The following UACA variants were observed in gnomAD, a reference collection of about 807,000 sequenced individuals.
UACA encodes the protein nuclear membrane binding protein.
A neutral mutation model predicts 160.5 loss-of-function variants in UACA; 112 were observed. That is an observed-to-expected ratio of 0.70 (90% CI 0.60 to 0.82). The LOEUF (loss-of-function observed/expected upper bound fraction) is 0.82, where lower values mean the gene tolerates loss of function less well. Among genes scored for constraint, UACA ranks in the 40% least tolerant of loss-of-function variants. The probability of loss-of-function intolerance (pLI) is 0.00; values close to 1 mark genes in which losing one functional copy is unlikely to be tolerated. For synonymous variants in UACA, 557 were observed against 568.4 expected (o/e 0.98, Z 0.29); for missense variants, 1,574 against 1,614.6 (o/e 0.97, Z 0.43).
In UACA at chr15:70,720,402, G is replaced by C. The variant is rs1898954678; in HGVS notation, c.79-20742C>G. Among the ~76,000 whole-genome samples, 3 of 152,038 alleles carry C rather than the reference G, an allele frequency of 2.0e-5. No individual in the cohort carries two copies. In the South Asian group the frequency reaches 6.2e-4, roughly 32 times the overall value. On this transcript the variant is annotated intron_variant, in intron 1 of 18. Coordinates refer to ENST00000322954, the MANE Select transcript of UACA (RefSeq NM_018003.4). ...GACTAACTGCAGCCTCAAACTCCTG[G>C]GCTCAAGTGATCTTCCCACCTCAGC...
intron 3 of UACA, 64 bp downstream of exon 3, chr15:70,694,953 G>A: frequency 7.9e-7 from 1 of 1,261,620 alleles, no homozygotes; most frequent in Non-Finnish European, 1.1e-6. Context: ...GAATAAAAAT[G>A]TTAGCAGTGG....
Position 70,654,878 on chromosome 15 carries a change from T to C in UACA, c.*2178A>G, listed in dbSNP as rs958921150. On this transcript the variant is annotated 3_prime_UTR_variant, in exon 19 of 19. Transcript: ENST00000322954. ...CGCTTGTTTACTAATTAAAAAGCTT[T>C]GGTCTTCAGTGTTGTAAACGCAATT... 1.3e-5 allele frequency: 2 copies of C among 152,348 alleles called. No individual in the cohort carries two copies. Among genetic ancestry groups the C allele is most frequent in the Admixed American group, 6.5e-5 (1 of 15,310 alleles). The allele number at this position is 152,348 out of a possible 1,614,324, so 9.4% of individuals were successfully genotyped here.
rs1566963372 is a variant in UACA at position 70,667,346 on chromosome 15, G to A, written c.3338C>T (p.Pro1113Leu). The change falls in exon 16 of 19, where the codon CCA becomes CTA. Residue 1113 changes from proline (P) to leucine (L), a missense_variant. Physicochemically the swap from Pro to Leu is moderately conservative, Grantham distance 98 (BLOSUM62 -3). Transcript: ENST00000322954. ...VQNLLQKQHVPLEQVEALKKS... is the reference protein window; with the variant it reads ...VQNLLQKQHVLLEQVEALKKS... ...TTTCAGAGCCTCAACCTGTTCCAATGGAACATGTTGTTTTTGCAAAAGATT... is the reference window on the plus strand; with the variant it reads ...TTTCAGAGCCTCAACCTGTTCCAATAGAACATGTTGTTTTTGCAAAAGATT... 2 of 1,612,764 alleles carry A rather than the reference G, an allele frequency of 1.2e-6. No individual in the cohort carries two copies. The highest frequency in any genetic ancestry group is 1.7e-6 in the Non-Finnish European group (2 of 1,179,836).
Position 70,668,593 on chromosome 15 carries a change from T to G in UACA, c.2091A>C (p.Lys697Asn). 6.2e-7 allele frequency: 1 copy of G among 1,613,652 alleles called. No individual in the cohort carries two copies. Among genetic ancestry groups the G allele is most frequent in the Non-Finnish European group, 8.5e-7 (1 of 1,179,964 alleles). The part of the protein sequence containing the change: ...HEQVKSRLEQ[K>N]SGELGKKITE... ...TGATCTTCTTCCCAAGTTCTCCTGA[T>G]TTCTGTTCTAATCTGCTCTTAACCT... Residue 697 changes from lysine (K) to asparagine (N), a missense_variant, in exon 16 of 19, where the codon AAA becomes AAC. By Grantham distance (94) the Lys-to-Asn change is moderately conservative. Transcript: ENST00000322954.
intron 1 of UACA, among the ~76,000 whole-genome samples, chr15:70,743,054 T>C (rs1222686012): frequency 2.0e-5 from 3 of 152,154 alleles, no homozygotes; most frequent in Non-Finnish European, 2.9e-5. Flanking sequence ...CAGAATTCAG[T>C]TCCCTTAAGG....
chr15:70,690,361 TTATATAAA>T, intron 5 of UACA, 85 bp downstream of exon 5: 1 of 1,107,918 alleles, frequency 9.0e-7, no homozygotes, highest in Non-Finnish European at 1.3e-6. Context: ...TCTCCATGAA[TTATATAAA>T]TATCTATGTG....
Position 70,666,756 on chromosome 15 carries a change from AT to A in UACA, c.3927del (p.Glu1309AspfsTer6). The A allele has an allele frequency of 6.2e-7, 1 of 1,607,410 alleles. No individual in the cohort carries two copies. Among genetic ancestry groups the A allele is most frequent in the South Asian group, 1.1e-5 (1 of 89,434 alleles). On this transcript the variant is annotated frameshift_variant, in exon 16 of 19. Transcript: ENST00000322954. LOFTEE classifies it high-confidence loss of function. ...TITELQRRIQ[E>X]SAKQIEAKDN... ...TCTTTTGCTTCTATTTGTTTAGCAGATTCTTGTATTCTTCTTTGTAACTCTG... is the reference window on the plus strand; with the variant it reads ...TCTTTTGCTTCTATTTGTTTAGCAGATCTTGTATTCTTCTTTGTAACTCTG...
intron 1 of UACA, among the ~76,000 whole-genome samples, chr15:70,742,841 T>C (rs1368705502): frequency 6.6e-6 from 1 of 152,216 alleles, no homozygotes; most frequent in Non-Finnish European, 1.5e-5. Context: ...AATTTTCTAT[T>C]GCCATATAAC....
At chr15:70,778,613 C>A in the UACA span, among the ~76,000 whole-genome samples, 1 of 152,212 alleles carries the variant, frequency 6.6e-6, no homozygotes, top group Admixed American at 6.5e-5. Context: ...GTAATCCCTG[C>A]ATGTCAAAGT....
chr15:70,763,027 C>T (rs147126409), intron 1 of UACA, among the ~76,000 whole-genome samples: 49 of 152,222 alleles, frequency 3.2e-4, no homozygotes, highest in African/African-American at 1.2e-3. Flanking sequence ...GGGTGCCAAT[C>T]GAGGAACTTT....
intron 18 of UACA, among the ~76,000 whole-genome samples, chr15:70,659,395 G>GTTTTTTT (rs71152307): frequency 0.015 from 278 of 18,488 alleles, 53 homozygotes; most frequent in Non-Finnish European, 0.017. Flanking sequence ...TTTTTTGTTT[G>GTTTTTTT]TTTTTTTTTT....
chr15:70,749,535 A>AG (rs1380340944), intron 1 of UACA, among the ~76,000 whole-genome samples: 1 of 150,988 alleles, frequency 6.6e-6, no homozygotes, highest in Admixed American at 6.6e-5. Context: ...AAAAAAAAAA[A>AG]ACAAAAACAA....
intron 1 of UACA, among the ~76,000 whole-genome samples, chr15:70,750,885 T>C (rs2030011377): frequency 6.6e-6 from 1 of 152,074 alleles, no homozygotes; most frequent in South Asian, 2.1e-4. Context: ...GAAGAGTAGG[T>C]GGAAAGCAGT....
At chr15:70,662,449 T>C (rs893047179) in intron 17 of UACA, among the ~76,000 whole-genome samples, 45 of 152,132 alleles carry the variant, frequency 3.0e-4, no homozygotes, top group Middle Eastern at 3.2e-3. Context: ...AGGTAATTTA[T>C]AGATTCAATG....
At chr15:70,687,168 C>G (rs1274221967) in intron 7 of UACA, among the ~76,000 whole-genome samples, 8 of 152,202 alleles carry the variant, frequency 5.3e-5, no homozygotes, top group African/African-American at 1.9e-4. Context: ...GAAGAAGTAA[C>G]TACAGATGTA....
intron 1 of UACA, among the ~76,000 whole-genome samples, chr15:70,709,911 G>C (rs900890594): frequency 1.3e-5 from 2 of 152,172 alleles, no homozygotes; most frequent in South Asian, 4.1e-4. Context: ...TTAAAGCCAA[G>C]AGGAGTCATC....
At position 70,656,239 on chromosome 15, in the gene UACA, T is replaced by A. The variant is rs992864819; in HGVS notation, c.*817A>T. On this transcript the variant is annotated 3_prime_UTR_variant, in exon 19 of 19. Transcript: ENST00000322954. Reference sequence around the variant, plus strand: ...ATATATAATGAGTGCTTGGTTACTATAGTAGCGAATGTCAAACTAATTGCT... The same window carrying A: ...ATATATAATGAGTGCTTGGTTACTAAAGTAGCGAATGTCAAACTAATTGCT... 6.6e-6 allele frequency: 1 copy of A among 152,148 alleles called. No homozygotes were observed. The highest frequency in any genetic ancestry group is 1.5e-5 in the Non-Finnish European group (1 of 68,024). 9.4% of individuals were successfully genotyped at this position (152,148 alleles called of 1,614,324 possible). A position where few individuals can be genotyped will look rare whatever the true frequency, so the allele number is the denominator to read the frequency against.
chr15:70,667,203 T>G lies in UACA; in HGVS notation c.3481A>C (p.Asn1161His), dbSNP rs752497204. 3.7e-6 allele frequency: 6 copies of G among 1,613,920 alleles called. No individual in the cohort carries two copies. Among genetic ancestry groups the G allele is most frequent in the Non-Finnish European group, 5.1e-6 (6 of 1,179,960 alleles). The change falls in exon 16 of 19, where the codon AAC becomes CAC. Residue 1161 changes from asparagine to histidine, a missense_variant. By Grantham distance (68) the Asn-to-His change is moderately conservative. Transcript: ENST00000322954. The stretch of plus-strand genomic sequence containing the variant: ...TGCTCTGCCAGGGGTACAGAAGAGT[T>G]CTTTTGATTCTCCAACAATTGATGC... The part of the protein sequence containing the change: ...KLHQLLENQK[N>H]SSVPLAEHLQ...
At chr15:70,774,792 A>G in the UACA span, among the ~76,000 whole-genome samples, 1 of 152,112 alleles carries the variant, frequency 6.6e-6, no homozygotes, top group Admixed American at 6.5e-5. Flanking sequence ...AGTGGCTGAC[A>G]CTTGTAATCC....
Sources: gnomAD v4.1 joint callset for allele counts (sites outside exome capture counted in the v4.1 genomes callset) on GRCh38, gnomAD v4.1.1 for gene constraint, MANE v1.5 for transcripts, NCBI Gene and HGNC (gene_info 2026-07-23, HGNC 2026-07-21) for gene names.